RPS6KC1: variants seen among roughly 807,000 people sequenced by gnomAD.
RPS6KC1 encodes the protein ribosomal protein S6 kinase C1, also known as inactive ribosomal protein S6 kinase delta-1.
In RPS6KC1, 54 loss-of-function variants were observed where a neutral mutation model predicts 103.8. That is an observed-to-expected ratio of 0.52 (90% confidence interval 0.42 to 0.65). The LOEUF (loss-of-function observed/expected upper bound fraction) is 0.65. Among genes scored for constraint, RPS6KC1 ranks in the 30% least tolerant of loss-of-function variants. The pLI, the probability that RPS6KC1 is intolerant of heterozygous loss-of-function variation, is 0.00. For missense variants in RPS6KC1, 1,151 were observed against 1,253.8 expected, an observed-to-expected ratio of 0.92 and a Z score of 1.24; for synonymous variants, 439 against 438.7, an observed-to-expected ratio of 1.00 and a Z score of -0.01.
chr1:213,224,055 C>T (rs187017735), intron 8 of RPS6KC1, among the ~76,000 whole-genome samples: 63 of 152,328 alleles, frequency 4.1e-4, no homozygotes, highest in African/African-American at 1.5e-3. Context: ...GAACTCTCCA[C>T]ACTTCTTCAC....
the RPS6KC1 span, among the ~76,000 whole-genome samples, chr1:213,636,535 A>G: frequency 1.3e-5 from 2 of 152,192 alleles, no homozygotes; most frequent in African/African-American, 2.4e-5. Flanking sequence ...TATTTAATAA[A>G]TGGTGCTGGG....
chr1:213,221,846 G>C (rs1237939716), intron 8 of RPS6KC1, among the ~76,000 whole-genome samples: 1 of 152,080 alleles, frequency 6.6e-6, no homozygotes, highest in African/African-American at 2.4e-5. Context: ...AGTATATTTT[G>C]AATTATGGCA....
chr1:213,830,748 T>C, the RPS6KC1 span, among the ~76,000 whole-genome samples: 1 of 152,072 alleles, frequency 6.6e-6, no homozygotes, highest in Non-Finnish European at 1.5e-5. Context: ...GACTAGATAT[T>C]CTATTTTAGT....
chr1:213,643,839 A>C, the RPS6KC1 span, among the ~76,000 whole-genome samples: 52 of 152,126 alleles, frequency 3.4e-4, no homozygotes, highest in African/African-American at 1.2e-3. Context: ...TAATTATTAA[A>C]ATATCACAAA....
chr1:213,416,540 G>T, the RPS6KC1 span, among the ~76,000 whole-genome samples: 2 of 152,194 alleles, frequency 1.3e-5, no homozygotes, highest in Non-Finnish European at 2.9e-5. Flanking sequence ...GAGGGCACTG[G>T]GGTGGTAAGC....
At chr1:213,259,091 G>A (rs1041371381) in intron 12 of RPS6KC1, among the ~76,000 whole-genome samples, 3 of 152,172 alleles carry the variant, frequency 2.0e-5, no homozygotes, top group South Asian at 2.1e-4. Flanking sequence ...TCTTTCTCAT[G>A]CATTAAAGTT....
the RPS6KC1 span, among the ~76,000 whole-genome samples, chr1:213,402,958 C>CAAAAAAAAA: frequency 2.6e-4 from 29 of 111,472 alleles, no homozygotes; most frequent in Non-Finnish European, 3.7e-4. Flanking sequence ...ACTAAAAATA[C>CAAAAAAAAA]AAAAAAAAAA....
chr1:213,223,602 C>T (rs2093889057), intron 8 of RPS6KC1, among the ~76,000 whole-genome samples: 1 of 152,126 alleles, frequency 6.6e-6, no homozygotes, highest in African/African-American at 2.4e-5. Context: ...TCTTTATCCA[C>T]TCATTGGTCG....
At chr1:213,644,439 A>G in the RPS6KC1 span, among the ~76,000 whole-genome samples, 1 of 152,070 alleles carries the variant, frequency 6.6e-6, no homozygotes, top group African/African-American at 2.4e-5. Context: ...ATGGGTTTGG[A>G]AAAATGTATC....
chr1:213,095,844 G>C (rs1261659620), intron 3 of RPS6KC1, among the ~76,000 whole-genome samples: 1 of 152,232 alleles, frequency 6.6e-6, no homozygotes, highest in East Asian at 1.9e-4. Context: ...CCTTCAGTAT[G>C]TGGTAGTCTT....
chr1:213,494,444 AG>A, the RPS6KC1 span, among the ~76,000 whole-genome samples: 2 of 152,100 alleles, frequency 1.3e-5, no homozygotes, highest in African/African-American at 2.4e-5. Context: ...GAGAAATGGA[AG>A]GATAGAAAAA....
At chr1:213,439,486 C>G in the RPS6KC1 span, among the ~76,000 whole-genome samples, 1 of 152,008 alleles carries the variant, frequency 6.6e-6, no homozygotes, top group South Asian at 2.1e-4. Context: ...AGATAGCTAG[C>G]AAAGGCCTAA....
intron 4 of RPS6KC1, among the ~76,000 whole-genome samples, chr1:213,110,401 AC>A (rs1197825501): frequency 3.9e-5 from 6 of 152,032 alleles, no homozygotes; most frequent in Admixed American, 1.3e-4. Context: ...AGTAACTAAT[AC>A]TTTTTGTTAG....
At chr1:213,203,885 G>A (rs141406953) in intron 8 of RPS6KC1, among the ~76,000 whole-genome samples, 219 of 152,282 alleles carry the variant, frequency 1.4e-3, no homozygotes, top group African/African-American at 5.0e-3. Context: ...CTGTTAATTA[G>A]CGGGATGTCC....
At chr1:213,107,967 G>C (rs1370181900) in intron 4 of RPS6KC1, among the ~76,000 whole-genome samples, 1 of 151,918 alleles carries the variant, frequency 6.6e-6, no homozygotes, top group South Asian at 2.1e-4. Context: ...TTTTGATTGG[G>C]TTATCATTGA....
chr1:213,667,564 G>A, the RPS6KC1 span, among the ~76,000 whole-genome samples: 1 of 152,228 alleles, frequency 6.6e-6, no homozygotes, highest in South Asian at 2.1e-4. Context: ...TGACGTTGAT[G>A]GTTGTTGACT....
intron 3 of RPS6KC1, among the ~76,000 whole-genome samples, chr1:213,103,418 T>C (rs2082188292): frequency 6.6e-6 from 1 of 152,172 alleles, no homozygotes; most frequent in Admixed American, 6.5e-5. Flanking sequence ...AAGTACATTA[T>C]CCATTTCCTA....
the RPS6KC1 span, among the ~76,000 whole-genome samples, chr1:213,854,510 C>CTCTTTCTTTTTCTT: frequency 1.7e-5 from 2 of 120,934 alleles, no homozygotes; most frequent in Non-Finnish European, 3.5e-5. Context: ...CTCTTTCTTT[C>CTCTTTCTTTTTCTT]TCTTTCTTTC....
chr1:213,085,818 A>C (rs982913704), intron 3 of RPS6KC1, among the ~76,000 whole-genome samples: 1 of 152,072 alleles, frequency 6.6e-6, no homozygotes, highest in African/African-American at 2.4e-5. Flanking sequence ...AGAATGCATT[A>C]ATACATTTAA....
Sources: gnomAD v4.1 joint callset for allele counts (sites outside exome capture counted in the v4.1 genomes callset) on GRCh38, gnomAD v4.1.1 for gene constraint, MANE v1.5 for transcripts, NCBI Gene and HGNC (gene_info 2026-07-23, HGNC 2026-07-21) for gene names.